The following ELOC variants were observed in gnomAD, a reference collection of about 807,000 sequenced individuals.
The protein encoded by ELOC is elongin-C.
For synonymous variants in ELOC, 40 were observed against 51.3 expected, an observed-to-expected ratio of 0.78 and a Z score of 0.94; for missense variants, 38 against 139.0, an observed-to-expected ratio of 0.27 and a Z score of 3.65.
chr8:73,959,765 C>A lies in ELOC; in HGVS notation c.4G>T (p.Asp2Tyr). The change falls in exon 2 of 4, where the codon GAT (aspartate) becomes TAT (tyrosine). Residue 2 changes from aspartate to tyrosine, a missense_variant and splice_region_variant. By Grantham distance (160) the Asp-to-Tyr change is radical. Coordinates refer to ENST00000520242, the MANE Select transcript of ELOC (RefSeq NM_005648.4). The stretch of plus-strand genomic sequence containing the variant: ...ACAAAATTAATTATCTTTAGCTTAC[C>A]CATTTTGTTCTTATGAAATTCTACT... M[D>Y]GEEKTYGGCE... The A allele has an allele frequency of 6.4e-7, 1 of 1,552,402 alleles. No homozygotes were observed. Among genetic ancestry groups the A allele is most frequent in the South Asian group, 1.2e-5 (1 of 80,522 alleles).
At chr8:73,959,129 T>C (rs1263830951) in intron 2 of ELOC, among the ~76,000 whole-genome samples, 1 of 152,148 alleles carries the variant, frequency 6.6e-6, no homozygotes, top group East Asian at 1.9e-4. Flanking sequence ...GGACTGGAAA[T>C]TGCTCTGTGT....
At chr8:73,959,581 T>C (rs1177421344) in intron 2 of ELOC, among the ~76,000 whole-genome samples, 184 bp downstream of exon 2, 1 of 152,222 alleles carries the variant, frequency 6.6e-6, no homozygotes, top group Admixed American at 6.6e-5. Flanking sequence ...GTCACACATG[T>C]GGTCCAACAC....
At chr8:73,947,656 C>T (rs1296225887) in intron 3 of ELOC, among the ~76,000 whole-genome samples, 1 of 151,870 alleles carries the variant, frequency 6.6e-6, no homozygotes, top group East Asian at 1.9e-4. Flanking sequence ...TCACTGTAAC[C>T]CCTGCCTCCT....
At chr8:73,962,309 A>G (rs1814658557) in intron 1 of ELOC, among the ~76,000 whole-genome samples, 1 of 152,194 alleles carries the variant, frequency 6.6e-6, no homozygotes, top group Non-Finnish European at 1.5e-5. Context: ...TGGCAGCGTT[A>G]GGATTTAAAC....
intron 3 of ELOC, among the ~76,000 whole-genome samples, chr8:73,954,757 C>G (rs566347346): frequency 6.7e-6 from 1 of 149,068 alleles, no homozygotes; most frequent in Admixed American, 6.7e-5. Flanking sequence ...ATGGGCCGGG[C>G]GCAGTGGCTC....
intron 3 of ELOC, among the ~76,000 whole-genome samples, chr8:73,949,180 T>C (rs978739682): frequency 6.6e-6 from 1 of 152,224 alleles, no homozygotes; most frequent in Non-Finnish European, 1.5e-5. Flanking sequence ...AATACTAAAA[T>C]ATATACAAAA....
At chr8:73,964,109 A>AAAAAAAAGTATT in intron 1 of ELOC, among the ~76,000 whole-genome samples, 2 of 151,050 alleles carry the variant, frequency 1.3e-5, no homozygotes, top group East Asian at 3.9e-4. Flanking sequence ...AAAAAAAAAA[A>AAAAAAAAGTATT]AAAAGTATTA....
chr8:73,953,220 C>T (rs898754555), intron 3 of ELOC, among the ~76,000 whole-genome samples: 2 of 152,098 alleles, frequency 1.3e-5, no homozygotes, highest in Non-Finnish European at 2.9e-5. Flanking sequence ...GCATGAGAAT[C>T]GTTTGAACCT....
intron 1 of ELOC, among the ~76,000 whole-genome samples, chr8:73,964,178 T>C (rs13263926): frequency 6.9e-6 from 1 of 145,684 alleles, no homozygotes; most frequent in Non-Finnish European, 1.5e-5. Flanking sequence ...CCCTGGATAG[T>C]GAATGATGGT....
At chr8:73,970,228 A>C (rs1233527966) in intron 1 of ELOC, among the ~76,000 whole-genome samples, 1 of 152,210 alleles carries the variant, frequency 6.6e-6, no homozygotes, top group Non-Finnish European at 1.5e-5. Flanking sequence ...GGAGTGCAGA[A>C]CAGAGTGAGA....
rs1563665926 is a variant in ELOC, at chr8:73,945,163, GC to G, written c.*1466del. 1 of 142,836 alleles carries G rather than the reference GC, an allele frequency of 7.0e-6. No homozygotes were observed. Among genetic ancestry groups the G allele is most frequent in the Non-Finnish European group, 1.5e-5 (1 of 66,868 alleles). 8.8% of individuals were successfully genotyped at this position (142,836 alleles called of 1,614,324 possible). On this transcript the variant is annotated 3_prime_UTR_variant, in exon 4 of 4. Coordinates refer to ENST00000520242, the MANE Select transcript of ELOC (RefSeq NM_005648.4). ...GAGACAGTCTCGCTCTGTCACCCAG[GC>G]TGGAGTGCAGTGGTGCGATCTCGGC...
chr8:73,965,971 T>C (rs957927381), intron 1 of ELOC, among the ~76,000 whole-genome samples: 5 of 152,074 alleles, frequency 3.3e-5, no homozygotes, highest in African/African-American at 1.2e-4. Context: ...TGGGTCTCGA[T>C]GGGTAGAGGT....
chr8:73,971,211 G>A (rs1256330047), intron 1 of ELOC, among the ~76,000 whole-genome samples: 1 of 152,132 alleles, frequency 6.6e-6, no homozygotes, highest in African/African-American at 2.4e-5. Flanking sequence ...TTCCAGACCA[G>A]CCTGGCCAAC....
chr8:73,972,146 C>G lies in ELOC; in HGVS notation c.-120G>C, dbSNP rs1480426606. 3 of 152,486 alleles carry G rather than the reference C, an allele frequency of 2.0e-5. No individual in the cohort carries two copies. The highest frequency in any genetic ancestry group is 4.8e-5 in the African/African-American group (2 of 41,458). The allele number at this position is 152,486 out of a possible 1,614,324, so 9.4% of individuals were successfully genotyped here. Reference sequence around the variant, plus strand: ...ACAGCCCCTATCCCAGGGCCGCCCCCCCACCCCCAGCTGCCTGCTCCGGTG... The same window carrying G: ...ACAGCCCCTATCCCAGGGCCGCCCCGCCACCCCCAGCTGCCTGCTCCGGTG... On this transcript the variant is annotated 5_prime_UTR_variant, in exon 1 of 4. Transcript: ENST00000520242.
chr8:73,961,945 G>C (rs1180703787), intron 1 of ELOC, among the ~76,000 whole-genome samples: 2 of 152,094 alleles, frequency 1.3e-5, no homozygotes, highest in African/African-American at 4.8e-5. Flanking sequence ...GCCCAGGCTG[G>C]AGTGCAGTGG....
At chr8:73,971,467 C>T (rs532276047) in intron 1 of ELOC, among the ~76,000 whole-genome samples, 211 of 152,246 alleles carry the variant, frequency 1.4e-3, no homozygotes, top group Non-Finnish European at 2.4e-3. Flanking sequence ...AATGCTCACG[C>T]TAAATGGCAC....
intron 3 of ELOC, among the ~76,000 whole-genome samples, chr8:73,951,687 C>T (rs1813777576): frequency 1.4e-5 from 2 of 146,368 alleles, no homozygotes; most frequent in East Asian, 2.0e-4. Context: ...AACAAAACAA[C>T]AGACAAAACC....
At chr8:73,952,139 T>A (rs928862600) in intron 3 of ELOC, among the ~76,000 whole-genome samples, 1 of 152,038 alleles carries the variant, frequency 6.6e-6, no homozygotes, top group Non-Finnish European at 1.5e-5. Flanking sequence ...GAAAAATAAA[T>A]CACACTTCAA....
chr8:73,970,872 A>AT, intron 1 of ELOC, among the ~76,000 whole-genome samples: 1 of 149,414 alleles, frequency 6.7e-6, no homozygotes, highest in African/African-American at 2.5e-5. Flanking sequence ...AACAAAACAA[A>AT]AAAAAAACAA....
Sources: allele counts gnomAD v4.1 joint callset (sites outside exome capture counted in the v4.1 genomes callset), GRCh38; gene constraint gnomAD v4.1.1; transcripts MANE v1.5; gene names NCBI Gene and HGNC (gene_info 2026-07-23, HGNC 2026-07-21).